SAMSN1: variants seen among roughly 807,000 people sequenced by gnomAD.
SAMSN1 encodes the protein SAM domain-containing protein SAMSN-1.
SAMSN1 carries 31 observed loss-of-function variants against 42.0 expected under a neutral mutation model. That is an observed-to-expected ratio of 0.74 (90% CI 0.55 to 1.00). The LOEUF is 1.00. SAMSN1 is among the 50% of genes least tolerant of loss of function. The pLI, the probability that SAMSN1 is intolerant of heterozygous loss-of-function variation, is 0.00. For missense variants in SAMSN1, 464 were observed against 439.4 expected, an observed-to-expected ratio of 1.06 and a Z score of -0.50; for synonymous variants, 178 against 151.9, an observed-to-expected ratio of 1.17 and a Z score of -1.26.
At chr21:14,587,207 T>C (rs556323687), upstream of SAMSN1, among the ~76,000 whole-genome samples, 1 of 152,358 alleles carries the variant, frequency 6.6e-6, no homozygotes, top group East Asian at 1.9e-4. Context: ...ACTTTTTCTA[T>C]TCTTCTTTGA....
chr21:14,503,294 G>A lies in SAMSN1; in HGVS notation c.562-2559C>T, dbSNP rs985120598. ...CCTGTTCATCCTGAAAGAGCCAACT[G>A]CCGTATTGTAGAGAGGGCCTTGGCT... On this transcript the variant is annotated intron_variant, in intron 5 of 7. Transcript: ENST00000400566. Among the ~76,000 whole-genome samples, 3 of 152,156 alleles carry A rather than the reference G, an allele frequency of 2.0e-5. No homozygotes were observed. The East Asian group carries it at 5.8e-4, about 29-fold the overall frequency.
chr21:14,652,350 C>G (rs1055795893), intron 1 of SAMSN1, among the ~76,000 whole-genome samples: 9 of 151,910 alleles, frequency 5.9e-5, no homozygotes, highest in African/African-American at 2.2e-4. Flanking sequence ...GACACACAGA[C>G]CAATGTAAAA....
chr21:14,539,338 A>G (rs573516678), intron 1 of SAMSN1, among the ~76,000 whole-genome samples: 4 of 152,354 alleles, frequency 2.6e-5, no homozygotes, highest in Non-Finnish European at 4.4e-5. Context: ...AATTAAGAAA[A>G]GAGGAAGTCA....
intron 2 of SAMSN1, among the ~76,000 whole-genome samples, chr21:14,617,548 T>C (rs373376896): frequency 6.6e-6 from 1 of 152,154 alleles, no homozygotes; most frequent in Admixed American, 6.5e-5. Flanking sequence ...CCACAGTCTA[T>C]GCAATCGGGA....
intron 7 of SAMSN1, among the ~76,000 whole-genome samples, chr21:14,489,164 C>A (rs909953902): frequency 2.6e-5 from 4 of 152,120 alleles, no homozygotes; most frequent in African/African-American, 9.7e-5. Flanking sequence ...AACTGGCCTA[C>A]CCAGAAATTG....
At chr21:14,649,528 G>A (rs1983789967) in intron 1 of SAMSN1, among the ~76,000 whole-genome samples, 1 of 152,128 alleles carries the variant, frequency 6.6e-6, no homozygotes, top group South Asian at 2.1e-4. Flanking sequence ...CCAGCACTTT[G>A]AAAGGCCAAG....
chr21:14,646,669 T>C (rs1178043156), intron 1 of SAMSN1, among the ~76,000 whole-genome samples: 1 of 152,134 alleles, frequency 6.6e-6, no homozygotes, highest in Non-Finnish European at 1.5e-5. Flanking sequence ...AGTAGGAAGA[T>C]TAAAGAATGA....
chr21:14,585,715 C>T (rs1388713294), upstream of SAMSN1, among the ~76,000 whole-genome samples: 1 of 152,068 alleles, frequency 6.6e-6, no homozygotes, highest in African/African-American at 2.4e-5. Flanking sequence ...TCCTATGTGC[C>T]TAGGATTGTA....
chr21:14,559,478 TC>T (rs1487119959), intron 2 of SAMSN1, among the ~76,000 whole-genome samples: 1 of 152,078 alleles, frequency 6.6e-6, no homozygotes, highest in Non-Finnish European at 1.5e-5. Flanking sequence ...CTAGTGAAGG[TC>T]CCTTGGGAGA....
At chr21:14,599,607 T>G (rs1396772381) in intron 6 of SAMSN1, among the ~76,000 whole-genome samples, 1 of 152,178 alleles carries the variant, frequency 6.6e-6, no homozygotes, top group Admixed American at 6.5e-5. Context: ...ATGTTCTCCC[T>G]CAGTGGTGAG....
At chr21:14,491,000 C>A (rs1600854627) in intron 7 of SAMSN1, among the ~76,000 whole-genome samples, 1 of 152,128 alleles carries the variant, frequency 6.6e-6, no homozygotes, top group Non-Finnish European at 1.5e-5. Flanking sequence ...GGCTTTGGTC[C>A]CAGGAAATAT....
intron 2 of SAMSN1, among the ~76,000 whole-genome samples, chr21:14,632,998 AC>A (rs552654663): frequency 1.3e-5 from 2 of 152,290 alleles, no homozygotes; most frequent in African/African-American, 4.8e-5. Context: ...TACCCTAATC[AC>A]AAAAGTGACT....
chr21:14,607,858 A>G (rs1221143764), intron 5 of SAMSN1, among the ~76,000 whole-genome samples: 1 of 152,252 alleles, frequency 6.6e-6, no homozygotes, highest in East Asian at 1.9e-4. Flanking sequence ...TTCTTTATCC[A>G]TAGATCAACA....
At chr21:14,493,034 A>G (rs938382668) in intron 7 of SAMSN1, among the ~76,000 whole-genome samples, 1 of 152,202 alleles carries the variant, frequency 6.6e-6, no homozygotes, top group Admixed American at 6.5e-5. Context: ...GCTGCTTGGC[A>G]TAAATACAAA....
intron 2 of SAMSN1, among the ~76,000 whole-genome samples, chr21:14,518,734 T>A (rs1011444087): frequency 6.6e-6 from 1 of 152,254 alleles, no homozygotes; most frequent in Non-Finnish European, 1.5e-5. Flanking sequence ...ACAGCCAATT[T>A]AAACCCTCAT....
chr21:14,551,327 T>G (rs1033657472), intron 2 of SAMSN1, among the ~76,000 whole-genome samples: 1 of 152,078 alleles, frequency 6.6e-6, no homozygotes, highest in African/African-American at 2.4e-5. Context: ...CTAAGATGAA[T>G]GGTGAACCTA....
chr21:14,516,822 C>A, intron 3 of SAMSN1, 70 bp downstream of exon 3: 1 of 1,321,920 alleles, frequency 7.6e-7, no homozygotes, highest in Non-Finnish European at 1.0e-6. Context: ...CCAAGCACTT[C>A]TATAGTCTAG....
intron 3 of SAMSN1, among the ~76,000 whole-genome samples, chr21:14,615,452 G>A (rs1342779238): frequency 6.6e-6 from 1 of 152,046 alleles, no homozygotes; most frequent in Non-Finnish European, 1.5e-5. Flanking sequence ...CTGTATCCTC[G>A]GCAACCAATC....
chr21:14,509,686 G>C (rs1215919030), intron 5 of SAMSN1, among the ~76,000 whole-genome samples: 1 of 152,126 alleles, frequency 6.6e-6, no homozygotes, highest in Non-Finnish European at 1.5e-5. Flanking sequence ...GGCAGAGTTG[G>C]GCACCTTCAG....
Sources: gnomAD v4.1 joint callset for allele counts (sites outside exome capture counted in the v4.1 genomes callset) on GRCh38, gnomAD v4.1.1 for gene constraint, MANE v1.5 for transcripts, NCBI Gene and HGNC (gene_info 2026-07-23, HGNC 2026-07-21) for gene names.